DRICH1: variants seen among roughly 807,000 people sequenced by gnomAD.
DRICH1 encodes aspartate rich 1.
DRICH1 carries 38 observed loss-of-function variants against 39.5 expected under a neutral mutation model. The ratio of observed to expected loss-of-function variants is 0.96; its 90% CI spans 0.74 to 1.26. The LOEUF (loss-of-function observed/expected upper bound fraction) is 1.26. Among genes scored for constraint, DRICH1 ranks in the 50% most tolerant of loss-of-function variants. The probability of loss-of-function intolerance (pLI) is 0.00; values close to 1 mark genes in which losing one functional copy is unlikely to be tolerated. For missense variants in DRICH1, 279 were observed against 270.4 expected (o/e 1.03, Z -0.22); for synonymous variants, 84 against 99.5 (o/e 0.84, Z 0.93).
intron 1 of DRICH1, among the ~76,000 whole-genome samples, chr22:23,627,695 C>T (rs1427750714): frequency 1.3e-5 from 2 of 152,140 alleles, no homozygotes; most frequent in Middle Eastern, 3.2e-3. Context: ...CCTGTCTAGA[C>T]AGGATCAGAG....
rs1398009387 is a variant in DRICH1 at position 23,623,927 on chromosome 22, G to A, written c.298+956C>T. ...CTCTTCCACAAATGATGGTAAAACT[G>A]CATATTCTCAACAGAATGCTGACAG... On this transcript the variant is annotated intron_variant, in intron 3 of 11. Coordinates refer to ENST00000317749, the MANE Select transcript of DRICH1 (RefSeq NM_016449.4). 4 of 975,602 alleles carry A rather than the reference G, an allele frequency of 4.1e-6. No individual in the cohort carries two copies. In the African/African-American group the frequency reaches 7.1e-5, roughly 17 times the overall value. 60.4% of individuals were successfully genotyped at this position (975,602 alleles called of 1,614,324 possible). A position where few individuals can be genotyped will look rare whatever the true frequency, so the allele number is the denominator to read the frequency against.
the DRICH1 span, among the ~76,000 whole-genome samples, chr22:23,584,176 T>C: frequency 6.6e-6 from 1 of 151,868 alleles, no homozygotes; most frequent in African/African-American, 2.4e-5. Context: ...CACCCCTTCC[T>C]GGACTGAGAT....
chr22:23,607,584 C>A (rs1469074157), downstream of DRICH1, among the ~76,000 whole-genome samples: 1 of 151,486 alleles, frequency 6.6e-6, no homozygotes, highest in African/African-American at 2.4e-5. Context: ...TCTCTTTCTT[C>A]TGAGAGTCTC....
At chr22:23,629,748 C>T (rs1309759448) in intron 1 of DRICH1, among the ~76,000 whole-genome samples, 3 of 152,002 alleles carry the variant, frequency 2.0e-5, no homozygotes, top group African/African-American at 7.2e-5. Context: ...CACCCAAGTA[C>T]CTAGGACTAC....
intron 8 of DRICH1, among the ~76,000 whole-genome samples, chr22:23,616,350 C>G (rs1927346293): frequency 6.6e-6 from 1 of 152,164 alleles, no homozygotes; most frequent in Non-Finnish European, 1.5e-5. Flanking sequence ...ACAGGATACT[C>G]AAAAGCCCAT....
the DRICH1 span, chr22:23,581,385 C>CGGCCAG: frequency 6.6e-6 from 1 of 152,188 alleles, no homozygotes; most frequent in Admixed American, 6.6e-5. Flanking sequence ...CTGTGCTGGG[C>CGGCCAG]GGCCAGGGCC....
chr22:23,608,596 G>T lies in DRICH1; in HGVS notation c.*168C>A. On this transcript the variant is annotated 3_prime_UTR_variant, in exon 12 of 12. Coordinates refer to ENST00000317749, the MANE Select transcript of DRICH1 (RefSeq NM_016449.4). Reference sequence around the variant, plus strand: ...CTGGATGGTACAGGCCAAACCTAGTGCTGGCGGTGGGTGGGAAGCAGCCTT... The same window carrying T: ...CTGGATGGTACAGGCCAAACCTAGTTCTGGCGGTGGGTGGGAAGCAGCCTT... 2.9e-6 allele frequency: 2 copies of T among 682,388 alleles called. No individual in the cohort carries two copies. The highest frequency in any genetic ancestry group is 5.2e-6 in the Non-Finnish European group (2 of 387,170). 42.3% of individuals were successfully genotyped at this position (682,388 alleles called of 1,614,324 possible). A position where few individuals can be genotyped will look rare whatever the true frequency, so the allele number is the denominator to read the frequency against.
the DRICH1 span, among the ~76,000 whole-genome samples, chr22:23,603,419 C>T: frequency 1.3e-5 from 2 of 151,896 alleles, no homozygotes; most frequent in South Asian, 4.2e-4. Flanking sequence ...CCACTCTCCG[C>T]CCTGGGCCTC....
chr22:23,631,739 G>A (rs1920981435), intron 1 of DRICH1, 77 bp downstream of exon 1: 1 of 1,181,956 alleles, frequency 8.5e-7, no homozygotes, highest in Non-Finnish European at 1.2e-6. Flanking sequence ...GGATGTCTCT[G>A]GGGATGAGGG....
chr22:23,621,979 A>T, intron 4 of DRICH1, 112 bp downstream of exon 4: 1 of 909,900 alleles, frequency 1.1e-6, no homozygotes, highest in Non-Finnish European at 1.7e-6. Flanking sequence ...AGAAAATCTC[A>T]CTTTTGTTGT....
chr22:23,595,620 TAAAC>T, the DRICH1 span, among the ~76,000 whole-genome samples: 72 of 152,350 alleles, frequency 4.7e-4, no homozygotes, highest in Middle Eastern at 3.4e-3. Context: ...CATAAATCAA[TAAAC>T]AGACACACAT....
the DRICH1 span, among the ~76,000 whole-genome samples, chr22:23,601,926 G>A: frequency 6.6e-6 from 1 of 152,184 alleles, no homozygotes; most frequent in African/African-American, 2.4e-5. Flanking sequence ...TAAGGGCTGA[G>A]AGCAGGGGCT....
At chr22:23,619,171 C>CAAAAA (rs5844565) in intron 6 of DRICH1, among the ~76,000 whole-genome samples, 193 bp downstream of exon 6, 2 of 84,926 alleles carry the variant, frequency 2.4e-5, no homozygotes, top group Non-Finnish European at 4.6e-5. Context: ...GACTCCGTCT[C>CAAAAA]AAAAAAAAAA....
chr22:23,591,159 G>A, the DRICH1 span, among the ~76,000 whole-genome samples: 1 of 152,128 alleles, frequency 6.6e-6, no homozygotes, highest in Non-Finnish European at 1.5e-5. Flanking sequence ...AGCTGGAACG[G>A]GGCTCCCCTA....
At chr22:23,608,880 C>G in intron 11 of DRICH1, 112 bp from the exon 12 acceptor site, 1 of 1,159,384 alleles carries the variant, frequency 8.6e-7, no homozygotes, top group Non-Finnish European at 1.3e-6. Flanking sequence ...CCCGCCTCTG[C>G]AGTCCAGGCT....
the DRICH1 span, chr22:23,581,122 C>T: frequency 6.6e-6 from 1 of 152,242 alleles, no homozygotes; most frequent in East Asian, 1.9e-4. Context: ...AAGATCTAAT[C>T]TTAGCAATTT....
chr22:23,619,192 AAAAG>A (rs761741127), intron 6 of DRICH1, among the ~76,000 whole-genome samples, 168 bp downstream of exon 6: 90 of 151,850 alleles, frequency 5.9e-4, no homozygotes, highest in Non-Finnish European at 1.1e-3. Flanking sequence ...AAAAAAAAGA[AAAAG>A]AAATCACAAA....
intron 11 of DRICH1, among the ~76,000 whole-genome samples, chr22:23,610,029 G>A (rs1926951058): frequency 6.6e-6 from 1 of 152,040 alleles, no homozygotes. Context: ...TCCTATGCCC[G>A]TTCTGAGGAG....
At chr22:23,600,879 A>G in the DRICH1 span, among the ~76,000 whole-genome samples, 5 of 151,930 alleles carry the variant, frequency 3.3e-5, no homozygotes, top group South Asian at 8.3e-4. Flanking sequence ...TCACCGTGTT[A>G]GCCAGGATGG....
Sources: gnomAD v4.1 joint callset for allele counts (sites outside exome capture counted in the v4.1 genomes callset) on GRCh38, gnomAD v4.1.1 for gene constraint, MANE v1.5 for transcripts, NCBI Gene and HGNC (gene_info 2026-07-23, HGNC 2026-07-21) for gene names.